Variants in GPR158 observed in about 807,000 individuals in gnomAD.
GPR158 encodes metabotropic glycine receptor.
Under a neutral mutation model 78.2 loss-of-function variants are expected in GPR158, and 30 were observed. That is an observed-to-expected ratio of 0.38 (90% CI 0.29 to 0.52). The LOEUF is 0.52. Among genes scored for constraint, GPR158 ranks in the 20% least tolerant of loss-of-function variants. GPR158 has a pLI of 0.83. For synonymous variants in GPR158, 581 were observed against 591.1 expected, an observed-to-expected ratio of 0.98 and a Z score of 0.25; for missense variants, 1,463 against 1,523.5, an observed-to-expected ratio of 0.96 and a Z score of 0.66.
intron 2 of GPR158, among the ~76,000 whole-genome samples, chr10:25,245,881 ATAGT>A (rs1853683096): frequency 6.6e-6 from 1 of 152,204 alleles, no homozygotes; most frequent in Non-Finnish European, 1.5e-5. Flanking sequence ...ATCTTTTATA[ATAGT>A]TATTTTGTTA....
At chr10:25,318,483 GTTC>G (rs1854895040) in intron 2 of GPR158, among the ~76,000 whole-genome samples, 3 of 151,852 alleles carry the variant, frequency 2.0e-5, no homozygotes, top group African/African-American at 7.2e-5. Context: ...CCTTCATTCC[GTTC>G]TTCTTTCTTC....
chr10:25,506,714 A>T (rs1564473979), intron 5 of GPR158, among the ~76,000 whole-genome samples: 1 of 152,234 alleles, frequency 6.6e-6, no homozygotes, highest in Non-Finnish European at 1.5e-5. Flanking sequence ...AGGAAAATCC[A>T]TACAGGCCCA....
chr10:25,595,822 G>A (rs974101976), intron 9 of GPR158, among the ~76,000 whole-genome samples: 1 of 152,176 alleles, frequency 6.6e-6, no homozygotes, highest in African/African-American at 2.4e-5. Context: ...GATGATGGTT[G>A]CACAACCTCA....
intron 3 of GPR158, among the ~76,000 whole-genome samples, chr10:25,409,730 A>G (rs955561775): frequency 6.6e-6 from 1 of 152,166 alleles, no homozygotes; most frequent in Admixed American, 6.5e-5. Context: ...GTTTTCTCAT[A>G]TAATTCCTCA....
At chr10:25,191,631 T>G (rs766910551) in intron 1 of GPR158, among the ~76,000 whole-genome samples, 5 of 152,206 alleles carry the variant, frequency 3.3e-5, no homozygotes, top group Admixed American at 6.5e-5. Flanking sequence ...CAGCTTCATA[T>G]AAACAGCTTC....
chr10:25,437,282 G>A (rs991395473), intron 4 of GPR158, among the ~76,000 whole-genome samples: 1 of 151,996 alleles, frequency 6.6e-6, no homozygotes. Flanking sequence ...CTGGAGTACA[G>A]TGGTACAGTC....
At chr10:25,401,019 C>T (rs1203941414) in intron 3 of GPR158, among the ~76,000 whole-genome samples, 1 of 152,174 alleles carries the variant, frequency 6.6e-6, no homozygotes, top group Non-Finnish European at 1.5e-5. Flanking sequence ...TCTGGCTGAG[C>T]TCTACAGCAA....
At chr10:25,209,502 A>C (rs188299518) in intron 1 of GPR158, among the ~76,000 whole-genome samples, 1 of 152,002 alleles carries the variant, frequency 6.6e-6, no homozygotes, top group Non-Finnish European at 1.5e-5. Context: ...AAAGAGTGAT[A>C]TCCTGTGCTT....
rs566538659 is a variant in GPR158 at position 25,373,427 on chromosome 10, T to G, written c.1009-22484T>G. On this transcript the variant is annotated intron_variant, in intron 2 of 10. Transcript: ENST00000376351. ...TAATGTTTTAAGTATTTCAAATATG[T>G]GTCTGTAATAATTATTGCTATAGAT... Among the ~76,000 whole-genome samples the G allele has an allele frequency of 2.3e-4, 35 of 152,064 alleles. 1 individual carries two copies. In the South Asian group the frequency reaches 7.0e-3, roughly 31 times the overall value.
chr10:25,186,740 C>T (rs186737187), intron 1 of GPR158, among the ~76,000 whole-genome samples: 2 of 152,160 alleles, frequency 1.3e-5, no homozygotes, highest in Admixed American at 1.3e-4. Context: ...AATAGCCTAT[C>T]AACCAAAAAA....
At chr10:25,586,390 AATTTTTTTTTTTT>A (rs1837267979) in intron 7 of GPR158, among the ~76,000 whole-genome samples, 1 of 130,942 alleles carries the variant, frequency 7.6e-6, no homozygotes. Context: ...GGTATGTGTG[AATTTTTTTTTTTT>A]TTTTTTTTTT....
intron 5 of GPR158, among the ~76,000 whole-genome samples, chr10:25,538,701 A>G (rs187072899): frequency 4.5e-4 from 68 of 152,326 alleles, no homozygotes; most frequent in Non-Finnish European, 8.7e-4. Flanking sequence ...CATAACTGCT[A>G]TCACACTGTA....
At chr10:25,515,148 C>G (rs533713794) in intron 5 of GPR158, among the ~76,000 whole-genome samples, 1 of 151,794 alleles carries the variant, frequency 6.6e-6, no homozygotes, top group East Asian at 1.9e-4. Context: ...TTATTCTTAG[C>G]TTTGGTCATT....
chr10:25,311,828 AT>A (rs1266584765), intron 2 of GPR158, among the ~76,000 whole-genome samples: 1 of 151,688 alleles, frequency 6.6e-6, no homozygotes, highest in East Asian at 1.9e-4. Flanking sequence ...ACAGTTAAGA[AT>A]TTTTTTAACT....
chr10:25,287,173 C>G (rs536804616), intron 2 of GPR158, among the ~76,000 whole-genome samples: 205 of 151,902 alleles, frequency 1.3e-3, no homozygotes, highest in Middle Eastern at 3.4e-3. Context: ...AGATTTTTTT[C>G]CTTTTCTTTT....
intron 7 of GPR158, among the ~76,000 whole-genome samples, chr10:25,580,127 A>G (rs1837168977): frequency 6.6e-6 from 1 of 152,248 alleles, no homozygotes; most frequent in Non-Finnish European, 1.5e-5. Flanking sequence ...AAAGACGTAA[A>G]TGAAGATACA....
At chr10:25,283,153 G>C (rs1408560847) in intron 2 of GPR158, among the ~76,000 whole-genome samples, 1 of 151,978 alleles carries the variant, frequency 6.6e-6, no homozygotes, top group Non-Finnish European at 1.5e-5. Flanking sequence ...TTCTTTGTTG[G>C]AAGATTTTAA....
At chr10:25,552,071 C>A (rs1319647994) in intron 6 of GPR158, among the ~76,000 whole-genome samples, 1 of 152,010 alleles carries the variant, frequency 6.6e-6, no homozygotes, top group African/African-American at 2.4e-5. Context: ...ATCCTTTTAT[C>A]TTTTTGGGAA....
In GPR158 at chr10:25,463,027, A is replaced by G. The variant is rs1835376830; in HGVS notation, c.1336-3624A>G. Among the ~76,000 whole-genome samples, 4 of 152,184 alleles carry G rather than the reference A, an allele frequency of 2.6e-5. No homozygotes were observed. In the South Asian group the frequency reaches 8.3e-4, roughly 32 times the overall value. ...AAATCTCTCATGAAAGGAAGAGTCG[A>G]CTGGTACAGCAAACTTCATTGTTTT... is the stretch of plus-strand genomic sequence containing the variant. On this transcript the variant is annotated intron_variant, in intron 4 of 10. Transcript: ENST00000376351.
Sources: allele counts gnomAD v4.1 joint callset (sites outside exome capture counted in the v4.1 genomes callset), GRCh38; gene constraint gnomAD v4.1.1; transcripts MANE v1.5; gene names NCBI Gene and HGNC (gene_info 2026-07-23, HGNC 2026-07-21).